Variants in NEIL2 observed in about 807,000 individuals in gnomAD.
The protein encoded by NEIL2 is nei like DNA glycosylase 2.
In NEIL2, 23 loss-of-function variants were observed where a neutral mutation model predicts 22.2. The observed-to-expected ratio is 1.04, with a 90% CI of 0.75 to 1.47. The LOEUF (loss-of-function observed/expected upper bound fraction) is 1.47, where lower values mean the gene tolerates loss of function less well. NEIL2 is among the 40% of genes most tolerant of loss of function. The pLI is 0.00. For synonymous variants in NEIL2, 229 were observed against 164.8 expected (o/e 1.39, Z -2.99); for missense variants, 583 against 404.7 (o/e 1.44, Z -3.78).
chr8:11,783,449 G>A (rs1230810391), intron 4 of NEIL2, 50 bp downstream of exon 4: 2 of 1,567,226 alleles, frequency 1.3e-6, no homozygotes, highest in Admixed American at 1.7e-5. Flanking sequence ...TCATGGAAAA[G>A]TCGGTCCTGT....
In NEIL2 at chr8:11,786,179, T is replaced by C. The variant is rs1159730567; in HGVS notation, c.905T>C (p.Phe302Ser). The change falls in exon 5 of 5, where the codon TTT becomes TCT. Residue 302 changes from phenylalanine to serine, a missense_variant. Coordinates refer to ENST00000284503, the MANE Select transcript of NEIL2 (RefSeq NM_145043.4). The part of the protein sequence containing the change: ...PAGHQVMKEA[F>S]GPEDGLQRLT... The stretch of plus-strand genomic sequence containing the variant: ...GGCCACCAGGTCATGAAGGAGGCGT[T>C]TGGGCCCGAAGATGGGTTACAGAGG... 3 of 1,613,720 alleles carry C rather than the reference T, an allele frequency of 1.9e-6. No homozygotes were observed. The highest frequency in any genetic ancestry group is 2.5e-6 in the Non-Finnish European group (3 of 1,180,012).
intron 3 of NEIL2, among the ~76,000 whole-genome samples, chr8:11,781,099 C>T (rs1045970979): frequency 1.1e-4 from 16 of 152,080 alleles, no homozygotes; most frequent in African/African-American, 3.6e-4. Context: ...CCTTCTGCCC[C>T]CAGAGAAAGT....
intron 2 of NEIL2, among the ~76,000 whole-genome samples, chr8:11,778,015 A>T (rs1424559322): frequency 2.6e-5 from 4 of 152,216 alleles, no homozygotes; most frequent in African/African-American, 9.6e-5. Context: ...TTGCCCTTGG[A>T]GCCTAGCACA....
chr8:11,783,955 A>C (rs1804674865), intron 4 of NEIL2, among the ~76,000 whole-genome samples: 1 of 152,230 alleles, frequency 6.6e-6, no homozygotes, highest in Admixed American at 6.5e-5. Flanking sequence ...TGAAACTGTG[A>C]GCATTTCAGG....
At chr8:11,772,496 C>A (rs1315676519) in intron 2 of NEIL2, among the ~76,000 whole-genome samples, 1 of 152,192 alleles carries the variant, frequency 6.6e-6, no homozygotes, top group Admixed American at 6.5e-5. Flanking sequence ...TCCACTTGGC[C>A]ATTGCATCCT....
chr8:11,771,845 G>A (rs956185005), intron 2 of NEIL2, among the ~76,000 whole-genome samples: 7 of 152,178 alleles, frequency 4.6e-5, no homozygotes, highest in African/African-American at 9.7e-5. Context: ...CTCTCCGGCC[G>A]CAGCTGATGG....
Position 11,782,897 on chromosome 8 carries a change from TGTG to T in NEIL2, c.492-303_492-301del, listed in dbSNP as rs755613943. 17 of 436,706 alleles carry T rather than the reference TGTG, an allele frequency of 3.9e-5. 1 individual carries two copies. Among genetic ancestry groups the T allele is most frequent in the East Asian group, 2.7e-4 (5 of 18,752 alleles). 27.1% of individuals were successfully genotyped at this position (436,706 alleles called of 1,614,324 possible). A position where few individuals can be genotyped will look rare whatever the true frequency, so the allele number is the denominator to read the frequency against. On this transcript the variant is annotated intron_variant, in intron 3 of 4. Transcript: ENST00000284503. ...TCCAGCCACAGAGTGTGCTCTATGT[TGTG>T]GTAACGATGTGGGGATGTGTGTATG...
Position 11,771,494 on chromosome 8 carries a change from C to A in NEIL2, c.47C>A (p.Pro16His). The change falls in exon 2 of 5, where the codon CCC becomes CAC. Residue 16 changes from proline to histidine, a missense_variant. Pro to His is a moderately conservative substitution (Grantham distance 77). Coordinates refer to ENST00000284503, the MANE Select transcript of NEIL2 (RefSeq NM_145043.4). The stretch of plus-strand genomic sequence containing the variant: ...AGGAAATTTCACCATTTGGTCTCCC[C>A]CTTTGTGGGTCAGCAGGTGGTCAAG... ...LVRKFHHLVS[P>H]FVGQQVVKTG... 3 of 1,614,096 alleles carry A rather than the reference C, an allele frequency of 1.9e-6. No individual in the cohort carries two copies. Among genetic ancestry groups the A allele is most frequent in the African/African-American group, 1.3e-5 (1 of 75,024 alleles).
intron 3 of NEIL2, among the ~76,000 whole-genome samples, chr8:11,780,811 G>A (rs1354239809): frequency 6.6e-6 from 1 of 152,176 alleles, no homozygotes; most frequent in Non-Finnish European, 1.5e-5. Context: ...ATATTCTTAG[G>A]GCTGTACATT....
intron 4 of NEIL2, 67 bp downstream of exon 4, chr8:11,783,466 C>T (rs1484133967): frequency 1.4e-6 from 2 of 1,416,892 alleles, no homozygotes; most frequent in South Asian, 1.2e-5. Flanking sequence ...CTGTGGGAGT[C>T]AGAAGACCTG....
In NEIL2 at chr8:11,772,671, GC is replaced by G. The variant is rs575249505; in HGVS notation, c.138+1091del. Among the ~76,000 whole-genome samples the G allele has an allele frequency of 1.2e-4, 18 of 152,318 alleles. No individual in the cohort carries two copies. The South Asian group carries it at 3.5e-3, about 30-fold the overall frequency. On this transcript the variant is annotated intron_variant, in intron 2 of 4. Coordinates refer to ENST00000284503, the MANE Select transcript of NEIL2 (RefSeq NM_145043.4). Reference sequence around the variant, plus strand: ...AGGGGCTGCTCCTCGCCAGTATTGTGCCCCCAGCACTTAGCTGAGTGCCGGC... The same window carrying G: ...AGGGGCTGCTCCTCGCCAGTATTGTGCCCCAGCACTTAGCTGAGTGCCGGC...
chr8:11,776,763 T>C (rs1469822573), intron 2 of NEIL2, among the ~76,000 whole-genome samples: 1 of 152,182 alleles, frequency 6.6e-6, no homozygotes, highest in Non-Finnish European at 1.5e-5. Context: ...CCCTGGGTTC[T>C]CTCTTCCTTG....
At chr8:11,775,833 A>T (rs1803861510) in intron 2 of NEIL2, among the ~76,000 whole-genome samples, 1 of 152,202 alleles carries the variant, frequency 6.6e-6, no homozygotes, top group African/African-American at 2.4e-5. Flanking sequence ...TCCATCTGAG[A>T]CCACTTCAGC....
At chr8:11,777,210 C>T (rs1396389294) in intron 2 of NEIL2, among the ~76,000 whole-genome samples, 1 of 151,398 alleles carries the variant, frequency 6.6e-6, no homozygotes, top group East Asian at 1.9e-4. Flanking sequence ...CCAGGCTGGT[C>T]TCGATCTCCT....
intron 4 of NEIL2, among the ~76,000 whole-genome samples, chr8:11,785,354 C>T (rs1400975326): frequency 6.6e-6 from 1 of 152,068 alleles, no homozygotes; most frequent in Non-Finnish European, 1.5e-5. Context: ...TGCCACCATG[C>T]CTGGCTAATT....
chr8:11,778,752 G>C (rs1275420732), intron 2 of NEIL2, among the ~76,000 whole-genome samples: 1 of 151,952 alleles, frequency 6.6e-6, no homozygotes, highest in Non-Finnish European at 1.5e-5. Flanking sequence ...AGGAGTTCGA[G>C]ACCAGCCTTG....
chr8:11,781,263 T>C (rs916230447), intron 3 of NEIL2, among the ~76,000 whole-genome samples: 1 of 152,186 alleles, frequency 6.6e-6, no homozygotes, highest in Non-Finnish European at 1.5e-5. Flanking sequence ...TGGGCTCACA[T>C]GACTGGAAGT....
intron 2 of NEIL2, 141 bp downstream of exon 2, chr8:11,771,726 T>A: frequency 1.3e-6 from 1 of 786,306 alleles, no homozygotes; most frequent in Non-Finnish European, 2.0e-6. Flanking sequence ...CCTCTTTCAG[T>A]CTCACGTGTC....
intron 4 of NEIL2, 27 bp from the exon 5 acceptor site, chr8:11,785,936 C>T (rs773329138): frequency 1.9e-6 from 3 of 1,608,284 alleles, no homozygotes; most frequent in South Asian, 2.2e-5. Flanking sequence ...CTTTGTCCTT[C>T]CCTTACCTTC....
Sources: allele counts gnomAD v4.1 joint callset (sites outside exome capture counted in the v4.1 genomes callset), GRCh38; gene constraint gnomAD v4.1.1; transcripts MANE v1.5; gene names NCBI Gene and HGNC (gene_info 2026-07-23, HGNC 2026-07-21).